TNFSF4: variants seen among roughly 807,000 people sequenced by gnomAD.
TNFSF4 encodes the protein tumor necrosis factor ligand superfamily member 4.
TNFSF4 carries 4 observed loss-of-function variants against 7.3 expected under a neutral mutation model. The observed-to-expected ratio is 0.55, with a 90% CI of 0.27 to 1.25. The LOEUF is 1.25. TNFSF4 is among the 50% of genes most tolerant of loss of function. TNFSF4 has a pLI of 0.12. For missense variants in TNFSF4, 181 were observed against 208.8 expected (o/e 0.87, Z 0.82); for synonymous variants, 76 against 83.7 (o/e 0.91, Z 0.50).
At chr1:173,375,119 T>C in the TNFSF4 span, among the ~76,000 whole-genome samples, 1 of 152,190 alleles carries the variant, frequency 6.6e-6, no homozygotes, top group African/African-American at 2.4e-5. Context: ...GTGACAGCCA[T>C]CTTGCTATTA....
At chr1:173,431,696 GACA>G in the TNFSF4 span, among the ~76,000 whole-genome samples, 16 of 152,352 alleles carry the variant, frequency 1.1e-4, no homozygotes, top group South Asian at 3.3e-3. Flanking sequence ...GTCCTTCACT[GACA>G]ACATTTCAGG....
chr1:173,326,252 C>T, the TNFSF4 span, among the ~76,000 whole-genome samples: 2 of 152,072 alleles, frequency 1.3e-5, no homozygotes, highest in African/African-American at 4.8e-5. Flanking sequence ...ATAAACAGAA[C>T]CAAAGACAAA....
At chr1:173,250,332 G>T in the TNFSF4 span, among the ~76,000 whole-genome samples, 49,254 of 151,986 alleles carry the variant, frequency 0.32, 8,177 homozygotes, top group Admixed American at 0.41. Context: ...TCAATAAATT[G>T]AACAGATTAT....
the TNFSF4 span, among the ~76,000 whole-genome samples, chr1:173,423,758 T>G: frequency 3.3e-5 from 5 of 152,230 alleles, no homozygotes; most frequent in African/African-American, 9.6e-5. Flanking sequence ...TGTCTGCCTT[T>G]AATATTATCC....
the TNFSF4 span, among the ~76,000 whole-genome samples, chr1:173,289,949 TAAA>T: frequency 1.3e-5 from 2 of 149,064 alleles, no homozygotes. Context: ...TATTTGAGGC[TAAA>T]AAAAAAAAAT....
chr1:173,377,350 A>C, the TNFSF4 span, among the ~76,000 whole-genome samples: 1 of 152,262 alleles, frequency 6.6e-6, no homozygotes, highest in East Asian at 1.9e-4. Context: ...GCTTTCTGGA[A>C]AAGGGCTCTC....
the TNFSF4 span, among the ~76,000 whole-genome samples, chr1:173,392,118 T>C: frequency 6.6e-6 from 1 of 152,356 alleles, no homozygotes; most frequent in Non-Finnish European, 1.5e-5. Flanking sequence ...AATGGAGTTC[T>C]AACTCAATGT....
the TNFSF4 span, among the ~76,000 whole-genome samples, chr1:173,231,100 C>T: frequency 2.6e-5 from 4 of 152,188 alleles, no homozygotes; most frequent in Non-Finnish European, 2.9e-5. Context: ...CTTTATGAGG[C>T]CAGCATCATC....
chr1:173,219,101 C>A, the TNFSF4 span, among the ~76,000 whole-genome samples: 1 of 151,852 alleles, frequency 6.6e-6, no homozygotes, highest in African/African-American at 2.4e-5. Flanking sequence ...TTTTAAAGTC[C>A]AAAGAGACAC....
the TNFSF4 span, among the ~76,000 whole-genome samples, chr1:173,269,072 T>C: frequency 6.6e-6 from 1 of 152,138 alleles, no homozygotes; most frequent in Non-Finnish European, 1.5e-5. Context: ...CAAAAGACAT[T>C]ATGTGCACGT....
At chr1:173,237,334 T>A in the TNFSF4 span, among the ~76,000 whole-genome samples, 1 of 152,148 alleles carries the variant, frequency 6.6e-6, no homozygotes, top group Non-Finnish European at 1.5e-5. Context: ...ATTATCTCAA[T>A]AGATGAAGAA....
chr1:173,260,885 T>C, the TNFSF4 span, among the ~76,000 whole-genome samples: 4 of 152,262 alleles, frequency 2.6e-5, no homozygotes, highest in East Asian at 7.7e-4. Context: ...CACACAATAA[T>C]AATGGGCATC....
the TNFSF4 span, among the ~76,000 whole-genome samples, chr1:173,232,233 G>A: frequency 6.6e-6 from 1 of 152,070 alleles, no homozygotes. Flanking sequence ...TGAAGCAATT[G>A]TGAATGGGAG....
At chr1:173,351,916 G>T in the TNFSF4 span, 1 of 549,514 alleles carries the variant, frequency 1.8e-6, no homozygotes, top group Non-Finnish European at 3.4e-6. Context: ...GACAAAGACC[G>T]CAAAAAGATC....
the TNFSF4 span, among the ~76,000 whole-genome samples, chr1:173,386,981 G>A: frequency 0.1 from 15,516 of 152,148 alleles, 934 homozygotes; most frequent in Middle Eastern, 0.16. Flanking sequence ...GATTGATTTC[G>A]CAGGTTTACA....
chr1:173,381,476 C>T, the TNFSF4 span, among the ~76,000 whole-genome samples: 1 of 152,168 alleles, frequency 6.6e-6, no homozygotes, highest in African/African-American at 2.4e-5. Flanking sequence ...TCTTTGGGCC[C>T]TGAATTTTTA....
At chr1:173,266,730 G>C in the TNFSF4 span, among the ~76,000 whole-genome samples, 1 of 151,938 alleles carries the variant, frequency 6.6e-6, no homozygotes, top group Non-Finnish European at 1.5e-5. Context: ...AGTGTCAAAC[G>C]TTTAGGGAGC....
chr1:173,306,672 C>T, the TNFSF4 span, among the ~76,000 whole-genome samples: 16 of 152,078 alleles, frequency 1.1e-4, no homozygotes, highest in Non-Finnish European at 2.2e-4. Context: ...TGGCCACTTA[C>T]ACATTCCCTT....
At chr1:173,378,216 C>A in the TNFSF4 span, among the ~76,000 whole-genome samples, 1 of 151,900 alleles carries the variant, frequency 6.6e-6, no homozygotes, top group Non-Finnish European at 1.5e-5. Context: ...GGGACCGTTG[C>A]GGGTTCTTCG....
Sources: gnomAD v4.1 joint callset for allele counts (sites outside exome capture counted in the v4.1 genomes callset) on GRCh38, gnomAD v4.1.1 for gene constraint, MANE v1.5 for transcripts, NCBI Gene and HGNC (gene_info 2026-07-23, HGNC 2026-07-21) for gene names.